The following PTGER4 variants were observed in gnomAD, a reference collection of about 807,000 sequenced individuals.
PTGER4 encodes the protein prostaglandin E2 receptor EP4 subtype.
Under a neutral mutation model 33.2 loss-of-function variants are expected in PTGER4, and 11 were observed. The observed-to-expected ratio is 0.33, with a 90% CI of 0.21 to 0.55. The LOEUF (loss-of-function observed/expected upper bound fraction) is 0.55. PTGER4 is among the 20% of genes least tolerant of loss of function. The pLI is 0.92. For synonymous variants in PTGER4, 275 were observed against 281.5 expected, an observed-to-expected ratio of 0.98 and a Z score of 0.23; for missense variants, 481 against 650.2, an observed-to-expected ratio of 0.74 and a Z score of 2.83.
intron 2 of PTGER4, among the ~76,000 whole-genome samples, chr5:40,684,703 G>A (rs1176193665): frequency 2.0e-5 from 3 of 152,170 alleles, no homozygotes; most frequent in Non-Finnish European, 4.4e-5. Flanking sequence ...TTTGAACTGG[G>A]TCATAATTAA....
At chr5:40,689,542 A>G (rs1473170357) in intron 2 of PTGER4, among the ~76,000 whole-genome samples, 3 of 152,178 alleles carry the variant, frequency 2.0e-5, no homozygotes, top group African/African-American at 7.2e-5. Context: ...TGACCCAAAT[A>G]TTGTTACATC....
chr5:40,744,619 T>C, the PTGER4 span, among the ~76,000 whole-genome samples: 1 of 152,122 alleles, frequency 6.6e-6, no homozygotes, highest in Admixed American at 6.5e-5. Flanking sequence ...GGCCTGATTT[T>C]AGATTTCTGG....
Position 40,681,271 on chromosome 5 carries a change from A to T in PTGER4, c.278A>T (p.Glu93Val), listed in dbSNP as rs1304091961. 4 of 1,614,146 alleles carry T rather than the reference A, an allele frequency of 2.5e-6. No homozygotes were observed. The Admixed American group carries it at 5.0e-5, about 20-fold the overall frequency. Reference protein sequence around the residue: ...GQWPGGQPLCEYSTFILLFFS... With the variant: ...GQWPGGQPLCVYSTFILLFFS... ...TGGCCCGGGGGCCAGCCGCTGTGCG[A>T]GTACAGCACCTTCATTCTGCTCTTC... The change falls in exon 2 of 3, where the codon GAG becomes GTG. Residue 93 changes from glutamate (E) to valine (V), a missense_variant. Transcript: ENST00000302472. This position sits in a 1 kb window ranked among gnomAD's most constrained non-coding sequence, Gnocchi z 9.8.
chr5:40,695,018 C>A (rs1741560308), downstream of PTGER4, among the ~76,000 whole-genome samples: 1 of 152,190 alleles, frequency 6.6e-6, no homozygotes, highest in Admixed American at 6.5e-5. Context: ...AAGGATATAA[C>A]AGACAAGAAG....
the PTGER4 span, among the ~76,000 whole-genome samples, chr5:40,718,704 C>T: frequency 6.6e-6 from 1 of 151,766 alleles, no homozygotes; most frequent in African/African-American, 2.4e-5. Context: ...CACCACCGCA[C>T]TTCAGCCTGG....
At chr5:40,707,117 T>C in the PTGER4 span, among the ~76,000 whole-genome samples, 2 of 152,084 alleles carry the variant, frequency 1.3e-5, no homozygotes, top group East Asian at 1.9e-4. Context: ...AGAAACAGCA[T>C]CAACTAACGA....
chr5:40,745,595 C>T, the PTGER4 span, among the ~76,000 whole-genome samples: 1 of 151,780 alleles, frequency 6.6e-6, no homozygotes, highest in African/African-American at 2.4e-5. Flanking sequence ...CAGAGTCACA[C>T]CTCATCGTAG....
At chr5:40,714,619 A>C in the PTGER4 span, 1 of 152,174 alleles carries the variant, frequency 6.6e-6, no homozygotes, top group Non-Finnish European at 1.5e-5. Flanking sequence ...TAAAATAATT[A>C]ACATATTTTT....
chr5:40,724,505 C>T, the PTGER4 span, among the ~76,000 whole-genome samples: 3 of 151,860 alleles, frequency 2.0e-5, no homozygotes, highest in African/African-American at 7.3e-5. Flanking sequence ...TGGTGGCACA[C>T]GCCTATAGTC....
At chr5:40,704,109 T>C in the PTGER4 span, among the ~76,000 whole-genome samples, 73 of 151,730 alleles carry the variant, frequency 4.8e-4, no homozygotes, top group Non-Finnish European at 8.1e-4. Context: ...ACAAACCAAA[T>C]CCAGCAGCAA....
the PTGER4 span, among the ~76,000 whole-genome samples, chr5:40,707,200 G>A: frequency 2.0e-5 from 3 of 152,250 alleles, no homozygotes; most frequent in East Asian, 1.9e-4. Flanking sequence ...AAATGTAAAC[G>A]GGATAAATGC....
the PTGER4 span, among the ~76,000 whole-genome samples, chr5:40,744,009 G>T: frequency 6.6e-6 from 1 of 152,186 alleles, no homozygotes; most frequent in Non-Finnish European, 1.5e-5. Context: ...AATTCAGAGG[G>T]AATCCGATGG....
the PTGER4 span, among the ~76,000 whole-genome samples, chr5:40,717,616 A>T: frequency 6.6e-6 from 1 of 152,242 alleles, no homozygotes; most frequent in African/African-American, 2.4e-5. Flanking sequence ...TAGTTGTGAT[A>T]AACAAAAATG....
chr5:40,733,684 A>C, the PTGER4 span, among the ~76,000 whole-genome samples: 1 of 152,202 alleles, frequency 6.6e-6, no homozygotes, highest in Non-Finnish European at 1.5e-5. Context: ...GCAAAGAGCA[A>C]GCCTGCACAA....
At chr5:40,716,330 G>T in the PTGER4 span, 2 of 1,614,160 alleles carry the variant, frequency 1.2e-6, no homozygotes, top group South Asian at 2.2e-5. Flanking sequence ...TCATAGTCTG[G>T]AATTGACTTT....
At chr5:40,703,902 C>CAAAAAAAAAAA in the PTGER4 span, among the ~76,000 whole-genome samples, 7 of 37,264 alleles carry the variant, frequency 1.9e-4, 1 homozygote, top group South Asian at 1.5e-3. Flanking sequence ...GACGCCGTCT[C>CAAAAAAAAAAA]AAAAAAAAAA....
chr5:40,729,115 T>C, the PTGER4 span, among the ~76,000 whole-genome samples: 1 of 152,188 alleles, frequency 6.6e-6, no homozygotes. Context: ...AACATTATTA[T>C]CAGGTTCCAA....
chr5:40,697,754 AAG>A (rs1414323566), downstream of PTGER4, among the ~76,000 whole-genome samples: 7 of 151,970 alleles, frequency 4.6e-5, no homozygotes, highest in African/African-American at 1.4e-4. Flanking sequence ...ATGAAAAACA[AAG>A]AGAGGTGGAA....
the PTGER4 span, among the ~76,000 whole-genome samples, chr5:40,729,428 G>A: frequency 6.6e-6 from 1 of 152,318 alleles, no homozygotes; most frequent in East Asian, 1.9e-4. Context: ...CTATTCAAGT[G>A]CTCAAAGGTT....
Sources: allele counts gnomAD v4.1 joint callset (sites outside exome capture counted in the v4.1 genomes callset), GRCh38; gene constraint gnomAD v4.1.1; non-coding constraint Gnocchi (gnomAD v3.1); transcripts MANE v1.5; gene names NCBI Gene and HGNC (gene_info 2026-07-23, HGNC 2026-07-21).